The following DLGAP1 variants were observed in gnomAD, a reference collection of about 807,000 sequenced individuals.
The protein encoded by DLGAP1 is DLG associated protein 1, also known as disks large-associated protein 1.
DLGAP1 carries 11 observed loss-of-function variants against 90.8 expected under a neutral mutation model. That is an observed-to-expected ratio of 0.12 (90% CI 0.08 to 0.20). The LOEUF is 0.20. Ranked by LOEUF, DLGAP1 falls within the 10% of genes least tolerant of loss-of-function variation. The pLI is 1.00. For synonymous variants in DLGAP1, 558 were observed against 540.7 expected, an observed-to-expected ratio of 1.03 and a Z score of -0.44; for missense variants, 1,050 against 1,333.8, an observed-to-expected ratio of 0.79 and a Z score of 3.31.
At chr18:4,339,370 T>C (rs1326583442) in intron 1 of DLGAP1, among the ~76,000 whole-genome samples, 1 of 152,156 alleles carries the variant, frequency 6.6e-6, no homozygotes, top group East Asian at 1.9e-4. Flanking sequence ...AGTTAATGCA[T>C]GCGAGTCTTA....
At chr18:4,297,628 G>A (rs913263422) in intron 1 of DLGAP1, among the ~76,000 whole-genome samples, 2 of 152,144 alleles carry the variant, frequency 1.3e-5, no homozygotes, top group Non-Finnish European at 2.9e-5. Flanking sequence ...CTCGGAAGTC[G>A]GAGAGTAATG....
chr18:3,694,507 A>G (rs1452743579), intron 7 of DLGAP1, among the ~76,000 whole-genome samples: 2 of 152,246 alleles, frequency 1.3e-5, no homozygotes, highest in Non-Finnish European at 2.9e-5. Flanking sequence ...CCAACAGGGT[A>G]AAAGCATTCC....
At chr18:4,100,520 T>A (rs1443145032) in intron 2 of DLGAP1, among the ~76,000 whole-genome samples, 1 of 152,210 alleles carries the variant, frequency 6.6e-6, no homozygotes, top group Non-Finnish European at 1.5e-5. Flanking sequence ...TTCAGAATAG[T>A]AAATGCGCAT....
chr18:4,041,014 C>A (rs1598289089), intron 2 of DLGAP1, among the ~76,000 whole-genome samples: 1 of 152,272 alleles, frequency 6.6e-6, no homozygotes, highest in East Asian at 1.9e-4. Context: ...GTCCTCATTT[C>A]CACGCCCTTG....
intron 3 of DLGAP1, among the ~76,000 whole-genome samples, chr18:3,917,433 C>A (rs2072170066): frequency 6.6e-6 from 1 of 152,104 alleles, no homozygotes; most frequent in Non-Finnish European, 1.5e-5. Context: ...TCCAAGGAGG[C>A]CAATATCCAT....
intron 5 of DLGAP1, among the ~76,000 whole-genome samples, chr18:3,785,105 T>C (rs897458943): frequency 3.9e-5 from 6 of 152,246 alleles, no homozygotes; most frequent in African/African-American, 7.2e-5. Flanking sequence ...TTCACTTCAT[T>C]TGTGCTCCCA....
intron 2 of DLGAP1, among the ~76,000 whole-genome samples, chr18:4,064,439 A>AT (rs2143349458): frequency 6.6e-6 from 1 of 151,624 alleles, no homozygotes; most frequent in South Asian, 2.1e-4. Context: ...AATACAATAG[A>AT]CTGCTAGCGA....
At chr18:3,746,105 A>G (rs1440793391) in intron 5 of DLGAP1, among the ~76,000 whole-genome samples, 1 of 152,212 alleles carries the variant, frequency 6.6e-6, no homozygotes, top group Non-Finnish European at 1.5e-5. Context: ...TTTGAATATA[A>G]TATATTGCAA....
At chr18:3,681,877 G>A (rs1375172856) in intron 7 of DLGAP1, among the ~76,000 whole-genome samples, 1 of 152,226 alleles carries the variant, frequency 6.6e-6, no homozygotes, top group Non-Finnish European at 1.5e-5. Context: ...CAGCACTTTG[G>A]GAGGCTGAGG....
chr18:3,775,262 G>A lies in DLGAP1; in HGVS notation c.1173-32750C>T, dbSNP rs543626103. The stretch of plus-strand genomic sequence containing the variant: ...TCCATTCCCCTGTGTTATGCACATC[G>A]ATATGGTTTGGCTTTGTGTCCCCAC... On this transcript the variant is annotated intron_variant, in intron 5 of 12. Coordinates refer to ENST00000315677, the MANE Select transcript of DLGAP1 (RefSeq NM_004746.4). The surrounding 1 kb of genome is among the most constrained non-coding windows in gnomAD (Gnocchi z 4.9). Among the ~76,000 whole-genome samples, 45 of 152,246 alleles carry A rather than the reference G, an allele frequency of 3.0e-4. No homozygotes were observed. Among genetic ancestry groups the A allele is most frequent in the Admixed American group, 8.5e-4 (13 of 15,302 alleles).
At chr18:3,634,833 T>A (rs2146225687) in intron 7 of DLGAP1, among the ~76,000 whole-genome samples, 2 of 152,370 alleles carry the variant, frequency 1.3e-5, no homozygotes, top group South Asian at 4.1e-4. Context: ...GTAATTCTAA[T>A]CTTTACCAAA....
chr18:4,338,606 T>C (rs2081122710), intron 1 of DLGAP1, among the ~76,000 whole-genome samples: 1 of 152,192 alleles, frequency 6.6e-6, no homozygotes, highest in Non-Finnish European at 1.5e-5. Flanking sequence ...CAGTTCTCTC[T>C]AGGAGTTCAC....
rs370478646 is a variant in DLGAP1 at position 4,036,171 on chromosome 18, G to T, written c.-158-30970C>A. ...GCTGATTACACACTACTGTACAAAA[G>T]AAGTCCTTGAAATGAGGTAATACTA... is the stretch of plus-strand genomic sequence containing the variant. On this transcript the variant is annotated intron_variant, in intron 2 of 12. Transcript: ENST00000315677. Among the ~76,000 whole-genome samples the T allele has an allele frequency of 6.6e-4, 101 of 152,226 alleles. 1 individual carries two copies. In the South Asian group the frequency reaches 0.019, roughly 29 times the overall value.
intron 5 of DLGAP1, among the ~76,000 whole-genome samples, chr18:3,787,785 A>G (rs2065529286): frequency 6.6e-6 from 1 of 152,110 alleles, no homozygotes; most frequent in Admixed American, 6.6e-5. Context: ...GATATGTCGA[A>G]CTGAAGAAGG....
At chr18:4,411,939 G>C (rs955254170) in intron 1 of DLGAP1, among the ~76,000 whole-genome samples, 1 of 152,120 alleles carries the variant, frequency 6.6e-6, no homozygotes, top group Non-Finnish European at 1.5e-5. Context: ...CAAAAGTCCA[G>C]CTCAGGTTCA....
chr18:3,986,329 C>G (rs763319446), intron 3 of DLGAP1: 1 of 152,174 alleles, frequency 6.6e-6, no homozygotes, highest in Non-Finnish European at 1.5e-5. Context: ...TGGCATTCAG[C>G]TATCATTTTC....
At chr18:4,355,737 G>A (rs1334747992) in intron 1 of DLGAP1, among the ~76,000 whole-genome samples, 1 of 99,436 alleles carries the variant, frequency 1.0e-5, no homozygotes, top group Non-Finnish European at 2.2e-5. Flanking sequence ...GGGACAATCC[G>A]GGATCTTTTT....
At chr18:4,423,439 G>A (rs142884723) in intron 1 of DLGAP1, among the ~76,000 whole-genome samples, 1,857 of 152,174 alleles carry the variant, frequency 0.012, 46 homozygotes, top group African/African-American at 0.042. Flanking sequence ...CTAAGTGCAC[G>A]GCATTTCACA....
intron 3 of DLGAP1, among the ~76,000 whole-genome samples, chr18:3,897,930 G>A (rs1013802528): frequency 6.6e-6 from 1 of 151,636 alleles, no homozygotes; most frequent in Non-Finnish European, 1.5e-5. Context: ...GAGTAGCTGG[G>A]ACTACAGGCG....
Sources: allele counts gnomAD v4.1 joint callset (sites outside exome capture counted in the v4.1 genomes callset), GRCh38; gene constraint gnomAD v4.1.1; non-coding constraint Gnocchi (gnomAD v3.1); transcripts MANE v1.5; gene names NCBI Gene and HGNC (gene_info 2026-07-23, HGNC 2026-07-21).